The following TSC22D3 variants were observed in gnomAD, a reference collection of about 807,000 sequenced individuals.
TSC22D3 encodes the protein TSC22 domain family protein 3.
Under a neutral mutation model 11.1 loss-of-function variants are expected in TSC22D3, and 4 were observed. That is an observed-to-expected ratio of 0.36 (90% CI 0.18 to 0.83). TSC22D3 has a LOEUF of 0.83. Among genes scored for constraint, TSC22D3 ranks in the 40% least tolerant of loss-of-function variants. The probability of loss-of-function intolerance (pLI) is 0.48; values close to 1 mark genes in which losing one functional copy is unlikely to be tolerated. For missense variants in TSC22D3, 118 were observed against 159.4 expected, an observed-to-expected ratio of 0.74 and a Z score of 1.40; for synonymous variants, 77 against 70.3, an observed-to-expected ratio of 1.10 and a Z score of -0.48.
chrX:107,753,225 G>A (rs1048565035), intron 1 of TSC22D3, among the ~76,000 whole-genome samples: 11 of 111,213 alleles, frequency 9.9e-5, no homozygotes, highest in Admixed American at 1.9e-4. Context: ...GAGGAGAGAG[G>A]AGGGAGGATG....
At chrX:107,729,980 G>A (rs757330977) in intron 1 of TSC22D3, among the ~76,000 whole-genome samples, 1 of 112,712 alleles carries the variant, frequency 8.9e-6, no homozygotes, top group South Asian at 3.6e-4. Context: ...AGAGGGCAGG[G>A]ATGGACAGCT....
chrX:107,759,151 C>A (rs1304470909), intron 1 of TSC22D3, among the ~76,000 whole-genome samples: 6 of 111,530 alleles, frequency 5.4e-5, no homozygotes, highest in Admixed American at 1.9e-4. Context: ...CAGACGTGAG[C>A]CACTGTGCCC....
chrX:107,729,543 C>T lies in TSC22D3; in HGVS notation c.321-13593G>A, dbSNP rs139726787. ...GCTGGCGAGGGAAGCCCTTGCCCCT[C>T]ATCACCACTCCTTTTTGCCCTTGTA... On this transcript the variant is annotated intron_variant, in intron 1 of 2. Transcript: ENST00000372383. Among the ~76,000 whole-genome samples, 17 of 112,487 alleles carry T rather than the reference C, an allele frequency of 1.5e-4. 1 individual carries two copies. In the East Asian group the frequency reaches 3.9e-3, roughly 26 times the overall value.
At chrX:107,721,657 G>T (rs1213292322) in intron 1 of TSC22D3, among the ~76,000 whole-genome samples, 2 of 112,243 alleles carry the variant, frequency 1.8e-5, no homozygotes, top group African/African-American at 3.2e-5. Context: ...AGGAGAAGCG[G>T]AAAAAGACAT....
intron 1 of TSC22D3, among the ~76,000 whole-genome samples, chrX:107,749,844 A>C (rs1295906304): frequency 8.9e-6 from 1 of 111,916 alleles, no homozygotes; most frequent in African/African-American, 3.3e-5. Context: ...TGCAGGGCAC[A>C]GAAAAGGAGG....
intron 1 of TSC22D3, among the ~76,000 whole-genome samples, chrX:107,766,328 C>T (rs1368917238): frequency 9.0e-6 from 1 of 111,597 alleles, no homozygotes; most frequent in East Asian, 2.8e-4. Flanking sequence ...TTCAGGTCAA[C>T]CTGGGGACTT....
intron 1 of TSC22D3, among the ~76,000 whole-genome samples, chrX:107,727,905 C>T (rs978143149): frequency 1.4e-4 from 16 of 112,106 alleles, no homozygotes; most frequent in African/African-American, 4.5e-4. Flanking sequence ...CGTTTTGACC[C>T]GAAGAACCAC....
chrX:107,762,610 T>C (rs1030075696), intron 1 of TSC22D3, among the ~76,000 whole-genome samples: 25 of 110,736 alleles, frequency 2.3e-4, no homozygotes, highest in Non-Finnish European at 4.5e-4. Context: ...TCTACTGTCA[T>C]CAGCTTCCCC....
At chrX:107,744,511 A>T (rs34015783) in intron 1 of TSC22D3, among the ~76,000 whole-genome samples, 5,864 of 111,375 alleles carry the variant, frequency 0.053, 154 homozygotes, top group Middle Eastern at 0.19. Context: ...AATTTAAATT[A>T]AAAAAAAGCT....
At chrX:107,773,446 A>G (rs1929995150) in intron 1 of TSC22D3, among the ~76,000 whole-genome samples, 1 of 111,996 alleles carries the variant, frequency 8.9e-6, no homozygotes, top group Non-Finnish European at 1.9e-5. Context: ...TCCAACAGAG[A>G]CAGGCGGGAT....
Position 107,771,457 on chromosome X carries a change from C to T in TSC22D3, c.320+3643G>A, listed in dbSNP as rs549398024. On this transcript the variant is annotated intron_variant, in intron 1 of 2. Transcript: ENST00000372383. ...AAAATTAGCCGAGTGTGGTGGCGTG[C>T]GCCTGTAGTCCCAGCTACTGAGGAG... is the stretch of plus-strand genomic sequence containing the variant. Among the ~76,000 whole-genome samples the T allele has an allele frequency of 9.7e-4, 108 of 111,425 alleles. 4 individuals are homozygous for T. The South Asian group carries it at 0.041, about 42-fold the overall frequency.
chrX:107,721,919 G>T (rs772015654), intron 1 of TSC22D3: 86 of 505,799 alleles, frequency 1.7e-4, no homozygotes, highest in Non-Finnish European at 2.8e-4. Flanking sequence ...GGTTTAATTT[G>T]TCCTTGCTTC....
intron 1 of TSC22D3, among the ~76,000 whole-genome samples, chrX:107,746,138 A>G (rs754383627): frequency 4.5e-5 from 5 of 111,539 alleles, no homozygotes; most frequent in Admixed American, 9.5e-5. Flanking sequence ...GAGCCCTGCA[A>G]TTCTCACTGG....
intron 1 of TSC22D3, among the ~76,000 whole-genome samples, chrX:107,763,685 C>A (rs1461353779): frequency 9.0e-6 from 1 of 111,719 alleles, no homozygotes; most frequent in Non-Finnish European, 1.9e-5. Context: ...AAAAGAAAAC[C>A]CAGACAACCC....
chrX:107,769,324 A>G (rs1929797733), intron 1 of TSC22D3, among the ~76,000 whole-genome samples: 1 of 112,922 alleles, frequency 8.9e-6, no homozygotes. Context: ...AAAAAGAATG[A>G]AGTACTGATA....
intron 1 of TSC22D3, among the ~76,000 whole-genome samples, chrX:107,763,559 G>A (rs1001921361): frequency 3.6e-5 from 4 of 111,272 alleles, no homozygotes; most frequent in African/African-American, 1.3e-4. Context: ...TCTGATATTT[G>A]CAGCCCAGAA....
chrX:107,728,161 G>GA (rs57115540), intron 1 of TSC22D3, among the ~76,000 whole-genome samples: 59 of 101,111 alleles, frequency 5.8e-4, no homozygotes, highest in East Asian at 9.0e-4. Flanking sequence ...TGCTTAGTAA[G>GA]AAAAAAAAAA....
At chrX:107,748,033 G>A (rs753993129) in intron 1 of TSC22D3, among the ~76,000 whole-genome samples, 7 of 111,902 alleles carry the variant, frequency 6.3e-5, no homozygotes, top group African/African-American at 2.3e-4. Flanking sequence ...GGCCACAGCA[G>A]TTCACCAGAT....
intron 1 of TSC22D3, among the ~76,000 whole-genome samples, chrX:107,757,293 C>T (rs1383869462): frequency 9.0e-6 from 1 of 111,490 alleles, no homozygotes; most frequent in African/African-American, 3.3e-5. Context: ...ATCCCTACCC[C>T]ACTCCCCGGT....
Sources: gnomAD v4.1 joint callset for allele counts (sites outside exome capture counted in the v4.1 genomes callset) on GRCh38, gnomAD v4.1.1 for gene constraint, MANE v1.5 for transcripts, NCBI Gene and HGNC (gene_info 2026-07-23, HGNC 2026-07-21) for gene names.